Variants in GPM6A observed in about 807,000 individuals in gnomAD.
GPM6A encodes the protein neuronal membrane glycoprotein M6-a.
Under a neutral mutation model 32.1 loss-of-function variants are expected in GPM6A, and 7 were observed. The observed-to-expected ratio is 0.22, with a 90% CI of 0.12 to 0.41. The LOEUF (loss-of-function observed/expected upper bound fraction) is 0.41. GPM6A is among the 10% of genes least tolerant of loss of function. GPM6A has a pLI of 1.00. For missense variants in GPM6A, 235 were observed against 347.2 expected (o/e 0.68, Z 2.57); for synonymous variants, 130 against 123.4 (o/e 1.05, Z -0.35).
intron 1 of GPM6A, among the ~76,000 whole-genome samples, chr4:175,991,047 A>G (rs1040492168): frequency 6.7e-5 from 10 of 149,546 alleles, no homozygotes; most frequent in Non-Finnish European, 1.0e-4. Flanking sequence ...TTCTTTTTAA[A>G]TCTTTCTTTC....
intron 2 of GPM6A, 130 bp from the exon 3 acceptor site, chr4:175,673,966 A>G (rs1743224823): frequency 1.7e-6 from 1 of 602,694 alleles, no homozygotes; most frequent in Non-Finnish European, 2.7e-6. Context: ...TGAAGGTTGG[A>G]TTTAAAAACA....
intron 1 of GPM6A, among the ~76,000 whole-genome samples, chr4:175,821,568 G>T (rs1268611330): frequency 6.6e-6 from 1 of 151,934 alleles, no homozygotes; most frequent in Admixed American, 6.6e-5. Flanking sequence ...TTACAAAATT[G>T]AATCTCTTTC....
chr4:175,988,896 C>G (rs1312625827), intron 1 of GPM6A, among the ~76,000 whole-genome samples: 1 of 151,998 alleles, frequency 6.6e-6, no homozygotes, highest in Admixed American at 6.6e-5. Context: ...TCATACTAAA[C>G]AGCTAATAAA....
chr4:175,861,548 T>C (rs1736572872), intron 1 of GPM6A, among the ~76,000 whole-genome samples: 2 of 151,500 alleles, frequency 1.3e-5, no homozygotes, highest in Admixed American at 6.6e-5. Context: ...GGTCAAGAGT[T>C]TGAGACCAGC....
chr4:175,713,536 T>A (rs77333471), intron 1 of GPM6A, among the ~76,000 whole-genome samples: 1 of 152,256 alleles, frequency 6.6e-6, no homozygotes, highest in Non-Finnish European at 1.5e-5. Flanking sequence ...GCTCAAATAA[T>A]CCTTAAATAT....
intron 2 of GPM6A, among the ~76,000 whole-genome samples, chr4:175,701,028 T>C (rs903192371): frequency 6.6e-6 from 1 of 152,176 alleles, no homozygotes; most frequent in African/African-American, 2.4e-5. Context: ...AAAAGTATAA[T>C]TGGTGTTTGA....
At chr4:175,653,912 C>T (rs188397041) in intron 3 of GPM6A, among the ~76,000 whole-genome samples, 25 of 152,114 alleles carry the variant, frequency 1.6e-4, no homozygotes, top group Admixed American at 2.6e-4. Context: ...CTTTCTGGAA[C>T]GTGGAATGAA....
At chr4:175,704,214 G>C (rs899900847) in intron 1 of GPM6A, among the ~76,000 whole-genome samples, 8 of 151,996 alleles carry the variant, frequency 5.3e-5, no homozygotes, top group Non-Finnish European at 7.4e-5. Flanking sequence ...CCCCAGAGGA[G>C]GTTAAAAAAA....
chr4:175,641,552 C>G (rs1741145260), intron 4 of GPM6A: 2 of 152,180 alleles, frequency 1.3e-5, no homozygotes. Context: ...GAGCATGGCT[C>G]TTTAATTTTA....
At chr4:175,694,848 C>T (rs1744488458) in intron 2 of GPM6A, among the ~76,000 whole-genome samples, 1 of 151,926 alleles carries the variant, frequency 6.6e-6, no homozygotes, top group African/African-American at 2.4e-5. Flanking sequence ...CAGCCCCTCC[C>T]ATCACAGGCC....
At chr4:175,824,181 G>T (rs576246566) in intron 1 of GPM6A, among the ~76,000 whole-genome samples, 1 of 152,206 alleles carries the variant, frequency 6.6e-6, no homozygotes, top group Admixed American at 6.5e-5. Context: ...TAGATATTTG[G>T]CCAGACCATG....
intron 1 of GPM6A, among the ~76,000 whole-genome samples, chr4:175,840,953 T>C (rs1422852432): frequency 1.3e-5 from 2 of 152,220 alleles, no homozygotes; most frequent in East Asian, 3.8e-4. Context: ...GTAACACATG[T>C]AATTGTCACA....
intron 3 of GPM6A, among the ~76,000 whole-genome samples, chr4:175,656,609 CAT>C (rs1742099128): frequency 1.3e-5 from 2 of 152,080 alleles, no homozygotes; most frequent in Non-Finnish European, 2.9e-5. Flanking sequence ...AAAAAGGTGA[CAT>C]ATTGCTTCTT....
chr4:175,983,567 T>C (rs1033441957), intron 1 of GPM6A, among the ~76,000 whole-genome samples: 2 of 152,214 alleles, frequency 1.3e-5, no homozygotes, highest in African/African-American at 4.8e-5. Context: ...TAATCTGTTC[T>C]TATGGTGAAT....
intron 1 of GPM6A, among the ~76,000 whole-genome samples, chr4:175,914,194 G>A (rs1738413270): frequency 6.6e-6 from 1 of 152,124 alleles, no homozygotes; most frequent in Non-Finnish European, 1.5e-5. Flanking sequence ...GAGGTGAGTT[G>A]TCACATTTTT....
intron 1 of GPM6A, among the ~76,000 whole-genome samples, chr4:175,998,754 T>C (rs1313185153): frequency 6.6e-6 from 1 of 152,196 alleles, no homozygotes; most frequent in Non-Finnish European, 1.5e-5. Context: ...CATATAATAT[T>C]ATTCCCAAAC....
chr4:175,838,886 C>G (rs1447749400), intron 1 of GPM6A, among the ~76,000 whole-genome samples: 1 of 151,906 alleles, frequency 6.6e-6, no homozygotes, highest in African/African-American at 2.4e-5. Context: ...AATTCCTGAC[C>G]TCAGGTGATC....
chr4:175,900,733 A>G (rs1251352732), intron 1 of GPM6A, among the ~76,000 whole-genome samples: 1 of 152,172 alleles, frequency 6.6e-6, no homozygotes, highest in African/African-American at 2.4e-5. Context: ...GAAACCTAAA[A>G]ATAGAGCTGC....
chr4:175,695,813 T>C (rs764642215), intron 2 of GPM6A, among the ~76,000 whole-genome samples: 11 of 152,248 alleles, frequency 7.2e-5, no homozygotes, highest in Middle Eastern at 3.4e-3. Context: ...TAGGGCAGAA[T>C]GATATGATTT....
Sources: allele counts gnomAD v4.1 joint callset (sites outside exome capture counted in the v4.1 genomes callset), GRCh38; gene constraint gnomAD v4.1.1; transcripts MANE v1.5; gene names NCBI Gene and HGNC (gene_info 2026-07-23, HGNC 2026-07-21).